MKS1: variants seen among roughly 807,000 people sequenced by gnomAD.
MKS1 encodes MKS transition zone complex subunit 1, also known as tectonic-like complex member MKS1.
A neutral mutation model predicts 83.7 loss-of-function variants in MKS1; 70 were observed. That is an observed-to-expected ratio of 0.84 (90% CI 0.69 to 1.02). The LOEUF (loss-of-function observed/expected upper bound fraction) is 1.02, where lower values mean the gene tolerates loss of function less well. MKS1 is among the 50% of genes least tolerant of loss of function. The pLI is 0.00. For missense variants in MKS1, 681 were observed against 726.9 expected (o/e 0.94, Z 0.73); for synonymous variants, 251 against 273.4 (o/e 0.92, Z 0.81).
intron 2 of MKS1, 52 bp downstream of exon 2, chr17:58,218,568 T>A (rs1237965086): frequency 2.9e-6 from 4 of 1,375,802 alleles, no homozygotes; most frequent in Non-Finnish European, 4.1e-6. Context: ...GCCACAATTC[T>A]GATTAGTATC....
At position 58,216,653 on chromosome 17, in the gene MKS1, G is replaced by T. The variant is rs138901048; in HGVS notation, c.261+13C>A. The T allele has an allele frequency of 6.2e-7, 1 of 1,613,754 alleles. No individual in the cohort carries two copies. Among genetic ancestry groups the T allele is most frequent in the South Asian group, 1.1e-5 (1 of 91,052 alleles). The stretch of plus-strand genomic sequence containing the variant: ...GATGGAATAGACAGAGAAGACAAGA[G>T]ACACTGGCTCACCTGGCTAAAGAGC... On this transcript the variant is annotated intron_variant, in intron 3 of 17. Coordinates refer to ENST00000393119, the MANE Select transcript of MKS1 (RefSeq NM_017777.4).
At position 58,219,171 on chromosome 17, in the gene MKS1, G is replaced by C. The variant is rs1451699674; in HGVS notation, c.60C>G (p.Pro20=). 2 of 1,551,292 alleles carry C rather than the reference G, an allele frequency of 1.3e-6. No homozygotes were observed. Among genetic ancestry groups the C allele is most frequent in the Non-Finnish European group, 1.7e-6 (2 of 1,147,018 alleles). Residue 20 remains proline, a synonymous_variant, in exon 1 of 18, where the codon CCC becomes CCG. Coordinates refer to ENST00000393119, the MANE Select transcript of MKS1 (RefSeq NM_017777.4). ...ACTACCGGAGGCGCAAGTTGCGCAC[G>C]GGGTCCCGGGAGCGATACACTGCCT... The part of the protein sequence containing the change: ...TGEAVYRSRD[P]VRNLRLRVHL...
chr17:58,207,775 CA>C, intron 14 of MKS1, 118 bp downstream of exon 14: 1 of 1,016,930 alleles, frequency 9.8e-7, no homozygotes, highest in Non-Finnish European at 1.5e-6. Context: ...GGAACTCTTT[CA>C]AGCCAAACAT....
chr17:58,206,110 A>G lies in MKS1; in HGVS notation c.1649T>C (p.Leu550Pro). ...GACCAGGGTTCCAGAGGGGCTCACT[A>G]GGTCCTGCGGGAGGCTTTCCCGGGC... is the stretch of plus-strand genomic sequence containing the variant. ...QEARESLPQD[L>P]VSPSGTLVS Residue 550 changes from leucine to proline, a missense_variant, in exon 18 of 18, where the codon CTA becomes CCA. By Grantham distance (98) the Leu-to-Pro change is moderately conservative. Coordinates refer to ENST00000393119, the MANE Select transcript of MKS1 (RefSeq NM_017777.4). 1 of 1,613,174 alleles carries G rather than the reference A, an allele frequency of 6.2e-7. No homozygotes were observed.
chr17:58,207,883 C>T lies in MKS1; in HGVS notation c.1273+11G>A, dbSNP rs16942826. 3,683 of 1,610,336 alleles carry T rather than the reference C, an allele frequency of 2.3e-3. 82 individuals are homozygous for T. In the African/African-American group the frequency reaches 0.041, roughly 18 times the overall value. Reference sequence around the variant, plus strand: ...CATGTGGGCCACAGAAGGGCAGAGACGAGCGGTTACCTGGAGTGGCAGGCA... The same window carrying T: ...CATGTGGGCCACAGAAGGGCAGAGATGAGCGGTTACCTGGAGTGGCAGGCA... On this transcript the variant is annotated intron_variant, in intron 14 of 17. Coordinates refer to ENST00000393119, the MANE Select transcript of MKS1 (RefSeq NM_017777.4).
At chr17:58,214,602 A>T in intron 5 of MKS1, 139 bp downstream of exon 5, 1 of 1,044,404 alleles carries the variant, frequency 9.6e-7, no homozygotes, top group Non-Finnish European at 1.3e-6. Context: ...AAGATATTTT[A>T]TATTTTTATA....
intron 2 of MKS1, among the ~76,000 whole-genome samples, chr17:58,217,795 G>T (rs1216662347): frequency 2.0e-5 from 3 of 152,198 alleles, no homozygotes; most frequent in Admixed American, 2.0e-4. Context: ...AGAAGAATGA[G>T]ATTCTGTCTC....
rs906505213 is a variant in MKS1, at chr17:58,205,902, G to T, written c.*177C>A. On this transcript the variant is annotated 3_prime_UTR_variant, in exon 18 of 18. Coordinates refer to ENST00000393119, the MANE Select transcript of MKS1 (RefSeq NM_017777.4). The stretch of plus-strand genomic sequence containing the variant: ...GGGTCTCTGGCTTTATTTCCACAGG[G>T]TAGGGAGAAGACCCTGCAGAAGGCT... The T allele has an allele frequency of 9.5e-6, 14 of 1,466,702 alleles. No homozygotes were observed. The highest frequency in any genetic ancestry group is 2.3e-5 in the Admixed American group (1 of 43,714). 90.9% of individuals were successfully genotyped at this position (1,466,702 alleles called of 1,614,324 possible).
chr17:58,215,740 TTATC>T (rs1420461280), intron 4 of MKS1: 1 of 322,354 alleles, frequency 3.1e-6, no homozygotes, highest in Non-Finnish European at 6.0e-6. Flanking sequence ...CTGATGAATT[TTATC>T]TATATTGTTC....
Position 58,208,013 on chromosome 17 carries a change from G to A in MKS1, c.1166-12C>T. Reference sequence around the variant, plus strand: ...CTCCGGGAGTGCATCTGGGAGCAAGGAGAGAAGCGGCCAGGTCACAGGCGG... The same window carrying A: ...CTCCGGGAGTGCATCTGGGAGCAAGAAGAGAAGCGGCCAGGTCACAGGCGG... On this transcript the variant is annotated splice_polypyrimidine_tract_variant and intron_variant, in intron 13 of 17. Transcript: ENST00000393119. The A allele has an allele frequency of 6.2e-7, 1 of 1,613,076 alleles. No homozygotes were observed. The highest frequency in any genetic ancestry group is 8.5e-7 in the Non-Finnish European group (1 of 1,179,080).
At chr17:58,217,441 G>A (rs1482534644) in intron 2 of MKS1, among the ~76,000 whole-genome samples, 2 of 152,192 alleles carry the variant, frequency 1.3e-5, no homozygotes, top group Admixed American at 1.3e-4. Flanking sequence ...CATATATGTA[G>A]AATCACAAAC....
At chr17:58,216,050 C>A (rs749985136) in intron 4 of MKS1, 38 bp downstream of exon 4, 9 of 1,611,698 alleles carry the variant, frequency 5.6e-6, no homozygotes, top group Admixed American at 1.7e-5. Flanking sequence ...CTAGAGGAAG[C>A]AAAGATGGAA....
In MKS1 at chr17:58,217,092, C is replaced by T. The variant is rs185073116; in HGVS notation, c.191-356G>A. Among the ~76,000 whole-genome samples, 13 of 152,310 alleles carry T rather than the reference C, an allele frequency of 8.5e-5. No individual in the cohort carries two copies. In the South Asian group the frequency reaches 2.1e-3, roughly 24 times the overall value. ...GCAACCTCCTCTTCCTGGGTTCAAG[C>T]GATTCTCCTGCCTCAGCCTCCCAAG... On this transcript the variant is annotated intron_variant, in intron 2 of 17. Transcript: ENST00000393119.
In MKS1 at chr17:58,213,813, C is replaced by G. The variant is rs1413306907; in HGVS notation, c.701G>C (p.Gly234Ala). ...VLCTLKVDSNGVITVKPDFTG... is the reference protein window; with the variant it reads ...VLCTLKVDSNAVITVKPDFTG... ...GAAGTCAGGCTTTACTGTGATCACACCATTGCTATCCACCTTCAGAGTACA... is the reference window on the plus strand; with the variant it reads ...GAAGTCAGGCTTTACTGTGATCACAGCATTGCTATCCACCTTCAGAGTACA... Residue 234 changes from glycine (G) to alanine (A), a missense_variant, in exon 7 of 18, where the codon GGT becomes GCT. Coordinates refer to ENST00000393119, the MANE Select transcript of MKS1 (RefSeq NM_017777.4). 6.2e-7 allele frequency: 1 copy of G among 1,614,012 alleles called. No individual in the cohort carries two copies. The highest frequency in any genetic ancestry group is 8.5e-7 in the Non-Finnish European group (1 of 1,180,016).
At chr17:58,215,801 G>A in intron 4 of MKS1, 1 of 423,022 alleles carries the variant, frequency 2.4e-6, no homozygotes, top group Non-Finnish European at 4.4e-6. Context: ...AGGAAGTCAA[G>A]CCCAGTGGTT....
chr17:58,205,704 G>T lies in MKS1; in HGVS notation c.*375C>A, dbSNP rs200682912. On this transcript the variant is annotated 3_prime_UTR_variant, in exon 18 of 18. Coordinates refer to ENST00000393119, the MANE Select transcript of MKS1 (RefSeq NM_017777.4). The stretch of plus-strand genomic sequence containing the variant: ...CTTCTTTGGTCTTGGAAGATGAAAG[G>T]CTCCATTTTTAAAGGGTGGAGAACA... 1 of 1,327,074 alleles carries T rather than the reference G, an allele frequency of 7.5e-7. No homozygotes were observed. Among genetic ancestry groups the T allele is most frequent in the Non-Finnish European group, 1.0e-6 (1 of 1,004,542 alleles). The allele number at this position is 1,327,074 out of a possible 1,614,324, so 82.2% of individuals were successfully genotyped here. A position where few individuals can be genotyped will look rare whatever the true frequency, so the allele number is the denominator to read the frequency against.
At position 58,212,958 on chromosome 17, in the gene MKS1, T is replaced by C. The variant is rs777191941; in HGVS notation, c.858+24A>G. On this transcript the variant is annotated intron_variant, in intron 8 of 17. Transcript: ENST00000393119. ...CAGGCACTGAGGCTCATCCCTTGGA[T>C]ACTTGGAATGAACTTGCGCTTACAT... is the stretch of plus-strand genomic sequence containing the variant. 3.7e-6 allele frequency: 6 copies of C among 1,607,018 alleles called. No homozygotes were observed. In the African/African-American group the frequency reaches 5.4e-5, roughly 14 times the overall value.
chr17:58,205,736 C>T lies in MKS1; in HGVS notation c.*343G>A. 6 of 1,366,450 alleles carry T rather than the reference C, an allele frequency of 4.4e-6. No homozygotes were observed. The highest frequency in any genetic ancestry group is 5.8e-6 in the Non-Finnish European group (6 of 1,030,384). 84.6% of individuals were successfully genotyped at this position (1,366,450 alleles called of 1,614,324 possible). A position where few individuals can be genotyped will look rare whatever the true frequency, so the allele number is the denominator to read the frequency against. On this transcript the variant is annotated 3_prime_UTR_variant, in exon 18 of 18. Coordinates refer to ENST00000393119, the MANE Select transcript of MKS1 (RefSeq NM_017777.4). ...TTTTAAAGGGTGGAGAACAGCAGAT[C>T]CCCTGCTACTGTGAGACAAGCCAGA...
At chr17:58,212,880 CA>C in intron 8 of MKS1, 101 bp downstream of exon 8, 1 of 1,176,916 alleles carries the variant, frequency 8.5e-7, no homozygotes, top group Non-Finnish European at 1.3e-6. Context: ...CCATGAAGGG[CA>C]AGGCTTTTCC....
Sources: allele counts gnomAD v4.1 joint callset (sites outside exome capture counted in the v4.1 genomes callset), GRCh38; gene constraint gnomAD v4.1.1; transcripts MANE v1.5; gene names NCBI Gene and HGNC (gene_info 2026-07-23, HGNC 2026-07-21).